The following MYH8 variants were observed in gnomAD, a reference collection of about 807,000 sequenced individuals.
MYH8 encodes the protein myosin-8.
In MYH8, 168 loss-of-function variants were observed where a neutral mutation model predicts 233.2. The ratio of observed to expected loss-of-function variants is 0.72; its 90% CI spans 0.64 to 0.82. MYH8 has a LOEUF of 0.82. MYH8 is among the 40% of genes least tolerant of loss of function. The pLI is 0.00. For synonymous variants in MYH8, 785 were observed against 850.6 expected, an observed-to-expected ratio of 0.92 and a Z score of 1.34; for missense variants, 1,995 against 2,327.8, an observed-to-expected ratio of 0.86 and a Z score of 2.94.
At chr17:10,404,228 T>A in intron 22 of MYH8, 102 bp downstream of exon 22, 1 of 1,472,536 alleles carries the variant, frequency 6.8e-7, no homozygotes, top group South Asian at 1.2e-5. Flanking sequence ...AAACAGCAAC[T>A]TGAGATTTTT....
Position 10,396,233 on chromosome 17 carries a change from A to G in MYH8, c.4653+97T>C, listed in dbSNP as rs1462892753. On this transcript the variant is annotated intron_variant, in intron 33 of 39. Coordinates refer to ENST00000403437, the MANE Select transcript of MYH8 (RefSeq NM_002472.3). This position sits in a 1 kb window ranked among gnomAD's most constrained non-coding sequence, Gnocchi z 4.2. ...GATAACTATTGCCAAGTTGTCCTTCATAAAGATCCTGTGAGTTTAAATTAT... is the reference window on the plus strand; with the variant it reads ...GATAACTATTGCCAAGTTGTCCTTCGTAAAGATCCTGTGAGTTTAAATTAT... 4.9e-6 allele frequency: 7 copies of G among 1,433,232 alleles called. No individual in the cohort carries two copies. Among genetic ancestry groups the G allele is most frequent in the South Asian group, 2.4e-5 (2 of 82,558 alleles). The allele number at this position is 1,433,232 out of a possible 1,614,324, so 88.8% of individuals were successfully genotyped here. A position where few individuals can be genotyped will look rare whatever the true frequency, so the allele number is the denominator to read the frequency against.
intron 19 of MYH8, 142 bp downstream of exon 19, chr17:10,406,548 A>T: frequency 1.5e-6 from 2 of 1,377,022 alleles, no homozygotes; most frequent in Admixed American, 1.7e-5. Context: ...AAACAATATG[A>T]TTTTCTGTTG....
Position 10,406,392 on chromosome 17 carries a change from T to C in MYH8, c.2177A>G (p.Lys726Arg), listed in dbSNP as rs1359689882. ...TGGAATAGCACTTGCATTTAAAACC[T>C]TGTATCTGCTCAGTTAAAGAAAGAA... ...ILYGDFKQRY[K>R]VLNASAIPEG... The change falls in exon 20 of 40, where the codon AAG (lysine) becomes AGG (arginine). Residue 726 changes from lysine (K) to arginine (R), a missense_variant. Lys to Arg is a conservative substitution (Grantham distance 26). Around this residue, in one of 3 missense-constraint regions of MYH8, gnomAD observed 1,498 missense variants for 1,680.9 expected, o/e 0.89. Transcript: ENST00000403437. 3.7e-6 allele frequency: 6 copies of C among 1,613,882 alleles called. No homozygotes were observed. Among genetic ancestry groups the C allele is most frequent in the Non-Finnish European group, 4.2e-6 (5 of 1,179,948 alleles).
chr17:10,405,932 T>C lies in MYH8; in HGVS notation c.2432+109A>G, dbSNP rs1022793835. ...CTGTGTTGTAGGAGTGAGTTCTGAA[T>C]TGGGTGAGAGGAACTATTAGCCACC... On this transcript the variant is annotated intron_variant, in intron 21 of 39. Transcript: ENST00000403437. The C allele has an allele frequency of 1.8e-5, 25 of 1,358,542 alleles. No homozygotes were observed. In the Admixed American group the frequency reaches 3.8e-4, roughly 20 times the overall value. The allele number at this position is 1,358,542 out of a possible 1,614,324, so 84.2% of individuals were successfully genotyped here.
At chr17:10,416,386 G>C (rs1253222507) in intron 5 of MYH8, among the ~76,000 whole-genome samples, 1 of 152,104 alleles carries the variant, frequency 6.6e-6, no homozygotes, top group Non-Finnish European at 1.5e-5. Flanking sequence ...CCATGTTTTT[G>C]CTATTGTAAA....
Position 10,410,787 on chromosome 17 carries a change from A to G in MYH8, c.1577T>C (p.Leu526Pro). ...GGAAACCAAACCGACCTTCTCAATG[A>G]GCTCAATGCAGGCAGCCAGGTCCAT... ...FGMDLAACIE[L>P]IEKPLGIFSI... The change falls in exon 15 of 40, where the codon CTC becomes CCC. Residue 526 changes from leucine to proline, a missense_variant. Transcript: ENST00000403437. The G allele has an allele frequency of 6.2e-7, 1 of 1,613,956 alleles. No individual in the cohort carries two copies. Among genetic ancestry groups the G allele is most frequent in the Non-Finnish European group, 8.5e-7 (1 of 1,179,878 alleles).
chr17:10,418,733 C>T lies in MYH8; in HGVS notation c.423G>A (p.Val141=), dbSNP rs1436319560. The change falls in exon 5 of 40, where the codon GTG becomes GTA. Residue 141 remains valine, a synonymous_variant. Transcript: ENST00000403437. The stretch of plus-strand genomic sequence containing the variant: ...GCTTTTTGCCTCTGTAGGCAGCCAC[C>T]ACCTCGGGCTTGTACACCGGCAGCC... ...YKWLPVYKPE[V]VAAYRGKKRQ... is the part of the protein sequence containing the mutation. 3 of 1,613,910 alleles carry T rather than the reference C, an allele frequency of 1.9e-6. No individual in the cohort carries two copies. Among genetic ancestry groups the T allele is most frequent in the Non-Finnish European group, 1.7e-6 (2 of 1,179,858 alleles).
chr17:10,408,185 C>T (rs936381769), intron 17 of MYH8, among the ~76,000 whole-genome samples: 14 of 151,942 alleles, frequency 9.2e-5, no homozygotes, highest in Middle Eastern at 3.4e-3. Context: ...GTGATCTGCC[C>T]GCCTCAGCCT....
intron 15 of MYH8, among the ~76,000 whole-genome samples, chr17:10,410,312 A>T (rs1484022233): frequency 6.6e-6 from 1 of 152,210 alleles, no homozygotes; most frequent in African/African-American, 2.4e-5. Context: ...CAATAAATAA[A>T]TAAATAAATA....
At chr17:10,395,806 T>C (rs1279576113) in intron 33 of MYH8, among the ~76,000 whole-genome samples, 1 of 152,156 alleles carries the variant, frequency 6.6e-6, no homozygotes, top group Non-Finnish European at 1.5e-5. Context: ...TTAATTTTTT[T>C]TCCGATTACA....
chr17:10,406,001 T>C (rs2072188909), intron 21 of MYH8, 40 bp downstream of exon 21: 1 of 1,608,904 alleles, frequency 6.2e-7, no homozygotes, highest in African/African-American at 1.3e-5. Flanking sequence ...TGATAGTCCT[T>C]AAGGGACCTT....
intron 27 of MYH8, 95 bp from the exon 28 acceptor site, chr17:10,399,764 G>A (rs1764215155): frequency 1.3e-6 from 2 of 1,539,994 alleles, no homozygotes; most frequent in Non-Finnish European, 8.9e-7. Flanking sequence ...ATAAATTCAT[G>A]TCAAGTGTGA....
intron 5 of MYH8, 25 bp downstream of exon 5, chr17:10,418,620 G>C: frequency 6.2e-7 from 1 of 1,613,508 alleles, no homozygotes; most frequent in East Asian, 2.2e-5. Context: ...ACACATTTCT[G>C]TAAATAGATG....
chr17:10,404,954 G>C (rs1338041751), intron 21 of MYH8, among the ~76,000 whole-genome samples: 6 of 152,106 alleles, frequency 3.9e-5, no homozygotes, highest in Non-Finnish European at 8.8e-5. Context: ...AGTGATTTGA[G>C]GGTGGGCATG....
At chr17:10,414,585 G>C in intron 9 of MYH8, 101 bp from the exon 10 acceptor site, 1 of 801,670 alleles carries the variant, frequency 1.2e-6, no homozygotes, top group Admixed American at 2.0e-5. Context: ...ATTACATTTG[G>C]CTCCAATGAG....
intron 33 of MYH8, among the ~76,000 whole-genome samples, chr17:10,395,713 T>C (rs971415337): frequency 6.6e-6 from 1 of 152,068 alleles, no homozygotes; most frequent in African/African-American, 2.4e-5. Context: ...ATAGTAAATA[T>C]AAATTCTCAA....
intron 30 of MYH8, 68 bp downstream of exon 30, chr17:10,398,371 TTGTTA>T (rs2142172230): frequency 1.2e-6 from 2 of 1,609,122 alleles, no homozygotes; most frequent in African/African-American, 1.3e-5. Flanking sequence ...GCTTTTGCTA[TTGTTA>T]TGTTATCATC....
chr17:10,397,909 C>T (rs2072094944), intron 30 of MYH8, among the ~76,000 whole-genome samples: 1 of 152,088 alleles, frequency 6.6e-6, no homozygotes, highest in Admixed American at 6.5e-5. Flanking sequence ...CTCCTGAATT[C>T]TCTACATTCT....
chr17:10,406,530 A>G (rs1373789264), intron 19 of MYH8, 133 bp from the exon 20 acceptor site: 16 of 1,418,158 alleles, frequency 1.1e-5, no homozygotes, highest in Non-Finnish European at 1.5e-5. Context: ...GTTTAAGGAC[A>G]GATAGTAAAA....
Sources: allele counts gnomAD v4.1 joint callset (sites outside exome capture counted in the v4.1 genomes callset), GRCh38; gene constraint gnomAD v4.1.1; regional missense constraint gnomAD v4.1.1; non-coding constraint Gnocchi (gnomAD v3.1); transcripts MANE v1.5; gene names NCBI Gene and HGNC (gene_info 2026-07-23, HGNC 2026-07-21).